Variants in RASSF2 observed in about 807,000 individuals in gnomAD.
The protein encoded by RASSF2 is ras association domain-containing protein 2.
In RASSF2, 34 loss-of-function variants were observed where a neutral mutation model predicts 46.3. The observed-to-expected ratio is 0.73, with a 90% CI of 0.56 to 0.98. The LOEUF (loss-of-function observed/expected upper bound fraction) is 0.98, where lower values mean the gene tolerates loss of function less well. Ranked by LOEUF, RASSF2 falls within the 50% of genes least tolerant of loss-of-function variation. RASSF2 has a pLI of 0.00. For missense variants in RASSF2, 364 were observed against 431.2 expected, an observed-to-expected ratio of 0.84 and a Z score of 1.38; for synonymous variants, 158 against 162.5, an observed-to-expected ratio of 0.97 and a Z score of 0.21.
At chr20:4,796,401 G>C (rs755689868) in intron 4 of RASSF2, among the ~76,000 whole-genome samples, 2 of 152,172 alleles carry the variant, frequency 1.3e-5, no homozygotes, top group South Asian at 2.1e-4. Context: ...AATCCAACCT[G>C]GTGGTTGAAG....
rs2122462996 is a variant in RASSF2 at position 4,790,392 on chromosome 20, G to A, written c.537+59C>T. 7.2e-7 allele frequency: 1 copy of A among 1,388,874 alleles called. No homozygotes were observed. The highest frequency in any genetic ancestry group is 9.4e-7 in the Non-Finnish European group (1 of 1,062,974). The allele number at this position is 1,388,874 out of a possible 1,614,324, so 86.0% of individuals were successfully genotyped here. On this transcript the variant is annotated intron_variant, in intron 7 of 11. Transcript: ENST00000379400. The surrounding 1 kb of genome is among the most constrained non-coding windows in gnomAD (Gnocchi z 4.3). Reference sequence around the variant, plus strand: ...CCACCCACCATATGGCTGTAGCCCTGAGGTGGCATCTACCCAGGAAGAGGT... The same window carrying A: ...CCACCCACCATATGGCTGTAGCCCTAAGGTGGCATCTACCCAGGAAGAGGT...
At chr20:4,789,941 C>T (rs1473799227) in intron 7 of RASSF2, among the ~76,000 whole-genome samples, 1 of 152,290 alleles carries the variant, frequency 6.6e-6, no homozygotes, top group Non-Finnish European at 1.5e-5. Context: ...TCTCTGACCA[C>T]TCTCCCACCA....
chr20:4,798,711 A>T (rs1227466166), intron 3 of RASSF2, among the ~76,000 whole-genome samples: 1 of 151,426 alleles, frequency 6.6e-6, no homozygotes, highest in East Asian at 1.9e-4. Flanking sequence ...CTGTATTCCC[A>T]GCTACTCAGG....
intron 2 of RASSF2, among the ~76,000 whole-genome samples, chr20:4,805,941 T>C (rs2026148232): frequency 6.6e-6 from 1 of 152,052 alleles, no homozygotes; most frequent in Admixed American, 6.5e-5. Flanking sequence ...GGCAGACCCA[T>C]GGAAACTTCC....
At chr20:4,787,225 A>G (rs1195953045) in intron 10 of RASSF2, among the ~76,000 whole-genome samples, 2 of 152,180 alleles carry the variant, frequency 1.3e-5, no homozygotes, top group Admixed American at 6.5e-5. Flanking sequence ...ATGACACACC[A>G]AATCTGAGTG....
At chr20:4,800,920 C>A (rs1926811270) in intron 3 of RASSF2, 52 bp downstream of exon 3, 1 of 1,496,674 alleles carries the variant, frequency 6.7e-7, no homozygotes, top group Admixed American at 1.7e-5. Flanking sequence ...CCCACAACAT[C>A]CCAGCACGGG....
rs1187397264 is a variant in RASSF2 at position 4,781,456 on chromosome 20, A to G, written c.*2817T>C. Reference sequence around the variant, plus strand: ...ATCCTCTTGCCTCAACTCAACTCCAAGTTGAAGTCCATCCAGCCTTGTGCA... The same window carrying G: ...ATCCTCTTGCCTCAACTCAACTCCAGGTTGAAGTCCATCCAGCCTTGTGCA... On this transcript the variant is annotated 3_prime_UTR_variant, in exon 12 of 12. Transcript: ENST00000379400. 1 of 152,158 alleles carries G rather than the reference A, an allele frequency of 6.6e-6. No individual in the cohort carries two copies. The highest frequency in any genetic ancestry group is 1.5e-5 in the Non-Finnish European group (1 of 68,020). 9.4% of individuals were successfully genotyped at this position (152,158 alleles called of 1,614,324 possible).
At position 4,812,170 on chromosome 20, in the gene RASSF2, C is replaced by T. The variant is rs1927876034; in HGVS notation, c.-33+10159G>A. On this transcript the variant is annotated intron_variant, in intron 2 of 11. Transcript: ENST00000379400. The surrounding 1 kb of genome is among the most constrained non-coding windows in gnomAD (Gnocchi z 4.0). ...CCAGATCATGCTTCCCAAACCCAAG[C>T]CTGTCCTGGGCATGGGCAAAATGTG... 2.0e-5 allele frequency among the ~76,000 whole-genome samples: 3 copies of T among 152,308 alleles called. No homozygotes were observed. In the South Asian group the frequency reaches 6.2e-4, roughly 32 times the overall value.
intron 2 of RASSF2, among the ~76,000 whole-genome samples, chr20:4,814,643 C>G (rs977269211): frequency 1.1e-4 from 17 of 152,144 alleles, no homozygotes; most frequent in African/African-American, 3.6e-4. Context: ...CCAGAGCCCT[C>G]CAGGGTGGTC....
chr20:4,805,209 G>A (rs1307980429), intron 2 of RASSF2, among the ~76,000 whole-genome samples: 2 of 152,052 alleles, frequency 1.3e-5, no homozygotes, highest in Non-Finnish European at 2.9e-5. Context: ...ATTAAATGAA[G>A]GATCTTGAAA....
chr20:4,806,510 T>A (rs1927352782), intron 2 of RASSF2, among the ~76,000 whole-genome samples: 1 of 152,206 alleles, frequency 6.6e-6, no homozygotes, highest in African/African-American at 2.4e-5. Context: ...AGTGGAGCCA[T>A]CATAGCTCAC....
chr20:4,789,827 C>G (rs576966808), intron 7 of RASSF2, 130 bp from the exon 8 acceptor site: 1 of 717,540 alleles, frequency 1.4e-6, no homozygotes, highest in South Asian at 1.8e-5. Context: ...GGCAGACTGG[C>G]AAGCAGCAGG....
rs1164617686 is a variant in RASSF2 at position 4,812,360 on chromosome 20, A to G, written c.-33+9969T>C. ...TGAACAGTTGAGGCACAAAGAAGCTATGCCACTTGCCCAAAGACACACAGC... is the reference window on the plus strand; with the variant it reads ...TGAACAGTTGAGGCACAAAGAAGCTGTGCCACTTGCCCAAAGACACACAGC... On this transcript the variant is annotated intron_variant, in intron 2 of 11. Coordinates refer to ENST00000379400, the MANE Select transcript of RASSF2 (RefSeq NM_014737.3). This position sits in a 1 kb window ranked among gnomAD's most constrained non-coding sequence, Gnocchi z 4.0. Among the ~76,000 whole-genome samples the G allele has an allele frequency of 6.6e-6, 1 of 152,234 alleles. No homozygotes were observed. Among genetic ancestry groups the G allele is most frequent in the East Asian group, 1.9e-4 (1 of 5,204 alleles).
rs921317355 is a variant in RASSF2, at chr20:4,782,581, C to T, written c.*1692G>A. On this transcript the variant is annotated 3_prime_UTR_variant, in exon 12 of 12. Transcript: ENST00000379400. Reference sequence around the variant, plus strand: ...AAACCCTTGGCGAAATGCCAGGGGCCGCATGCCATCTTTCTGCAGTCTACG... The same window carrying T: ...AAACCCTTGGCGAAATGCCAGGGGCTGCATGCCATCTTTCTGCAGTCTACG... 6.6e-6 allele frequency: 1 copy of T among 152,300 alleles called. No homozygotes were observed. The highest frequency in any genetic ancestry group is 1.5e-5 in the Non-Finnish European group (1 of 68,078). 9.4% of individuals were successfully genotyped at this position (152,300 alleles called of 1,614,324 possible).
rs903449230 is a variant in RASSF2 at position 4,800,229 on chromosome 20, G to A, written c.59+743C>T. Among the ~76,000 whole-genome samples, 9 of 152,166 alleles carry A rather than the reference G, an allele frequency of 5.9e-5. No homozygotes were observed. In the East Asian group the frequency reaches 1.7e-3, roughly 29 times the overall value. On this transcript the variant is annotated intron_variant, in intron 3 of 11. Transcript: ENST00000379400. ...TGAGCTCAAGAGACTTTAGTGCACA[G>A]AAAGCAATTAAATTGTCCCCTTCTA...
intron 8 of RASSF2, among the ~76,000 whole-genome samples, chr20:4,788,661 A>G (rs1328201896): frequency 6.6e-6 from 1 of 152,232 alleles, no homozygotes; most frequent in African/African-American, 2.4e-5. Context: ...CACTTGTAAC[A>G]CAATGGTAAG....
At chr20:4,798,528 C>T (rs1926567173) in intron 3 of RASSF2, among the ~76,000 whole-genome samples, 1 of 152,078 alleles carries the variant, frequency 6.6e-6, no homozygotes, top group African/African-American at 2.4e-5. Context: ...TAGGCCTTCA[C>T]AAGACTCAGA....
intron 2 of RASSF2, 88 bp from the exon 3 acceptor site, chr20:4,801,150 T>C (rs758695079): frequency 4.2e-6 from 4 of 944,522 alleles, no homozygotes; most frequent in Non-Finnish European, 6.7e-6. Context: ...GGGCACAAAA[T>C]TGGACGCCAT....
Position 4,788,284 on chromosome 20 carries a change from A to T in RASSF2, c.640-16T>A. On this transcript the variant is annotated splice_polypyrimidine_tract_variant and intron_variant, in intron 8 of 11. Transcript: ENST00000379400. ...AATTCTCAATCTGAAGCAGGAGCAAAAGATTCTTGTTGAAAGTTTCTATTT... is the reference window on the plus strand; with the variant it reads ...AATTCTCAATCTGAAGCAGGAGCAATAGATTCTTGTTGAAAGTTTCTATTT... 6.2e-7 allele frequency: 1 copy of T among 1,601,512 alleles called. No individual in the cohort carries two copies. The highest frequency in any genetic ancestry group is 1.1e-5 in the South Asian group (1 of 90,818).
Sources: gnomAD v4.1 joint callset for allele counts (sites outside exome capture counted in the v4.1 genomes callset) on GRCh38, gnomAD v4.1.1 for gene constraint, Gnocchi (gnomAD v3.1) non-coding constraint, MANE v1.5 for transcripts, NCBI Gene and HGNC (gene_info 2026-07-23, HGNC 2026-07-21) for gene names.